Variants in FMN1 observed in about 807,000 individuals in gnomAD.
FMN1 encodes the protein formin 1.
In FMN1, 110 loss-of-function variants were observed where a neutral mutation model predicts 132.4. The ratio of observed to expected loss-of-function variants is 0.83; its 90% confidence interval spans 0.71 to 0.97. The LOEUF is 0.97. FMN1 is among the 50% of genes least tolerant of loss of function. The pLI is 0.00. For missense variants in FMN1, 1,792 were observed against 1,705.3 expected (o/e 1.05, Z -0.90); for synonymous variants, 722 against 651.7 (o/e 1.11, Z -1.64).
At chr15:33,121,742 T>TGGTC (rs1237948407) in intron 4 of FMN1, among the ~76,000 whole-genome samples, 3 of 152,172 alleles carry the variant, frequency 2.0e-5, no homozygotes, top group Non-Finnish European at 2.9e-5. Context: ...TTGGCCAGGA[T>TGGTC]GGTCTCAATC....
chr15:32,777,020 A>T, intron 19 of FMN1, 101 bp from the exon 20 acceptor site: 1 of 625,680 alleles, frequency 1.6e-6, no homozygotes, highest in Non-Finnish European at 2.8e-6. Context: ...ATAAACCCAA[A>T]TGCTTTTGAA....
At chr15:32,890,740 T>G (rs1402928310) in intron 15 of FMN1, among the ~76,000 whole-genome samples, 2 of 152,244 alleles carry the variant, frequency 1.3e-5, no homozygotes, top group African/African-American at 2.4e-5. Context: ...GCTCTTTGGT[T>G]TAACTAAGTC....
chr15:33,102,978 T>G (rs565078360), intron 4 of FMN1, among the ~76,000 whole-genome samples: 1 of 152,194 alleles, frequency 6.6e-6, no homozygotes, highest in Admixed American at 6.5e-5. Flanking sequence ...TTTAATTTAT[T>G]TTTTATTTGT....
At chr15:32,913,305 T>A (rs901790112) in intron 10 of FMN1, among the ~76,000 whole-genome samples, 33 of 152,288 alleles carry the variant, frequency 2.2e-4, no homozygotes, top group African/African-American at 7.0e-4. Context: ...CATCAATCCA[T>A]CCTTCATTGT....
intron 9 of FMN1, among the ~76,000 whole-genome samples, chr15:32,960,796 G>A (rs2030425137): frequency 1.3e-5 from 2 of 151,888 alleles, no homozygotes; most frequent in Admixed American, 1.3e-4. Flanking sequence ...AGAAGTTCGA[G>A]ACCAACCTGG....
chr15:33,059,453 T>G (rs995062044), intron 6 of FMN1, among the ~76,000 whole-genome samples: 2 of 152,194 alleles, frequency 1.3e-5, no homozygotes, highest in Non-Finnish European at 2.9e-5. Flanking sequence ...TATTTTTAGT[T>G]TTTTCAGGAA....
chr15:33,141,732 T>C (rs917386585), intron 4 of FMN1, among the ~76,000 whole-genome samples: 1 of 152,152 alleles, frequency 6.6e-6, no homozygotes, highest in Non-Finnish European at 1.5e-5. Flanking sequence ...AGGTGTAATC[T>C]TGGGAGTACC....
At position 33,101,857 on chromosome 15, in the gene FMN1, C is replaced by A. The variant is rs974583563; in HGVS notation, c.1868-12883G>T. ...TTGGCTTTCACATATTCTTCTGAAT[C>A]CCCATCTATAACCCCACATAGGTAT... On this transcript the variant is annotated intron_variant, in intron 4 of 20. Coordinates refer to ENST00000616417, the MANE Select transcript of FMN1 (RefSeq NM_001277313.2). 2.0e-5 allele frequency among the ~76,000 whole-genome samples: 3 copies of A among 152,106 alleles called. No individual in the cohort carries two copies. The East Asian group carries it at 5.8e-4, about 29-fold the overall frequency.
intron 10 of FMN1, among the ~76,000 whole-genome samples, chr15:32,913,103 G>A (rs139899918): frequency 7.0e-4 from 107 of 152,076 alleles, no homozygotes; most frequent in African/African-American, 2.3e-3. Flanking sequence ...GTTTCTGATC[G>A]CGGTTACTAG....
At chr15:32,977,546 A>G (rs1033711554) in intron 7 of FMN1, among the ~76,000 whole-genome samples, 2 of 152,164 alleles carry the variant, frequency 1.3e-5, no homozygotes, top group Admixed American at 1.3e-4. Flanking sequence ...CTCTTAGCCA[A>G]TTTTCAAATT....
chr15:33,183,409 A>G (rs1451783701), intron 2 of FMN1, among the ~76,000 whole-genome samples: 1 of 152,244 alleles, frequency 6.6e-6, no homozygotes, highest in Non-Finnish European at 1.5e-5. Context: ...GAGAAATACC[A>G]AAATGTCTCT....
rs2057828138 is a variant in FMN1 at position 32,810,274 on chromosome 15, A to G, written c.3929-5942T>C. 2.6e-5 allele frequency among the ~76,000 whole-genome samples: 4 copies of G among 152,210 alleles called. No individual in the cohort carries two copies. In the South Asian group the frequency reaches 8.3e-4, roughly 32 times the overall value. On this transcript the variant is annotated intron_variant, in intron 17 of 20. Coordinates refer to ENST00000616417, the MANE Select transcript of FMN1 (RefSeq NM_001277313.2). Reference sequence around the variant, plus strand: ...CAACAGAAGAACCCATGTTAGCAGAACACAGTCCCTACTCATTAAGTGCCT... The same window carrying G: ...CAACAGAAGAACCCATGTTAGCAGAGCACAGTCCCTACTCATTAAGTGCCT...
intron 15 of FMN1, among the ~76,000 whole-genome samples, chr15:32,888,568 C>A (rs896797309): frequency 6.6e-6 from 1 of 152,146 alleles, no homozygotes; most frequent in Non-Finnish European, 1.5e-5. Context: ...ATTGTCAGGT[C>A]GTCCTGATCT....
At chr15:32,936,560 C>T (rs2061276190) in intron 9 of FMN1, among the ~76,000 whole-genome samples, 1 of 151,992 alleles carries the variant, frequency 6.6e-6, no homozygotes, top group Non-Finnish European at 1.5e-5. Context: ...CCTTTTTGTT[C>T]TCATCTGCCC....
chr15:33,014,490 A>G (rs1301934626), intron 6 of FMN1, among the ~76,000 whole-genome samples: 1 of 152,266 alleles, frequency 6.6e-6, no homozygotes, highest in Non-Finnish European at 1.5e-5. Flanking sequence ...TTGAAGTCAC[A>G]TTAGCCCCTA....
intron 10 of FMN1, among the ~76,000 whole-genome samples, chr15:32,919,256 C>G (rs924375551): frequency 1.3e-5 from 2 of 152,060 alleles, no homozygotes; most frequent in African/African-American, 4.8e-5. Context: ...TGCAGTGAAA[C>G]CCCAGATTTA....
intron 6 of FMN1, among the ~76,000 whole-genome samples, chr15:33,008,927 A>C (rs2034560285): frequency 6.6e-6 from 1 of 152,188 alleles, no homozygotes; most frequent in South Asian, 2.1e-4. Flanking sequence ...AGTAAGCAAG[A>C]AGCAGTTTGA....
rs918389322 is a variant in FMN1 at position 32,815,144 on chromosome 15, G to A, written c.3929-10812C>T. Among the ~76,000 whole-genome samples the A allele has an allele frequency of 9.9e-5, 15 of 152,002 alleles. No individual in the cohort carries two copies. In the Middle Eastern group the frequency reaches 0.01, roughly 104 times the overall value. ...TTTTTAGTAGAGATGGGGTTTCCCC[G>A]TGTTAGCCAGGATGGTCTCGATCTC... is the stretch of plus-strand genomic sequence containing the variant. On this transcript the variant is annotated intron_variant, in intron 17 of 20. Transcript: ENST00000616417.
In FMN1 at chr15:32,901,773, T is replaced by C. The variant is rs149284176; in HGVS notation, c.3507+138A>G. The C allele has an allele frequency of 6.7e-6, 4 of 601,164 alleles. No individual in the cohort carries two copies. The Admixed American group carries it at 1.2e-4, about 17-fold the overall frequency. The allele number at this position is 601,164 out of a possible 1,614,324, so 37.2% of individuals were successfully genotyped here. On this transcript the variant is annotated intron_variant, in intron 13 of 20. Transcript: ENST00000616417. ...CTCATACACACACACACGGGCAAGA[T>C]AATCATCAAATTTACACTTAGAAAA... is the stretch of plus-strand genomic sequence containing the variant.
Sources: allele counts gnomAD v4.1 joint callset (sites outside exome capture counted in the v4.1 genomes callset), GRCh38; gene constraint gnomAD v4.1.1; transcripts MANE v1.5; gene names NCBI Gene and HGNC (gene_info 2026-07-23, HGNC 2026-07-21).